GALNT13: variants seen among roughly 807,000 people sequenced by gnomAD.
GALNT13 encodes UDP-GalNAc:polypeptide N-acetylgalactosaminyltransferase 13.
GALNT13 carries 28 observed loss-of-function variants against 64.2 expected under a neutral mutation model. The ratio of observed to expected loss-of-function variants is 0.44; its 90% CI spans 0.32 to 0.60. GALNT13 has a LOEUF of 0.60. Among genes scored for constraint, GALNT13 ranks in the 20% least tolerant of loss-of-function variants. GALNT13 has a pLI of 0.05. For missense variants in GALNT13, 577 were observed against 669.8 expected (o/e 0.86, Z 1.53); for synonymous variants, 214 against 224.6 (o/e 0.95, Z 0.42).
At chr2:153,250,136 C>A in the GALNT13 span, among the ~76,000 whole-genome samples, 1 of 152,134 alleles carries the variant, frequency 6.6e-6, no homozygotes, top group Non-Finnish European at 1.5e-5. Context: ...GCAATCCATC[C>A]ATCTGACAAA....
chr2:154,177,759 A>G (rs1436037831), intron 4 of GALNT13, among the ~76,000 whole-genome samples: 2 of 152,222 alleles, frequency 1.3e-5, no homozygotes, highest in African/African-American at 4.8e-5. Context: ...GTACATACAT[A>G]TATGTGTGTC....
At chr2:153,256,276 G>A in the GALNT13 span, among the ~76,000 whole-genome samples, 29 of 151,924 alleles carry the variant, frequency 1.9e-4, no homozygotes, top group African/African-American at 6.5e-4. Context: ...TGAGGCTTCT[G>A]CATTCTTCAC....
At chr2:154,165,617 A>C (rs1447994575) in intron 4 of GALNT13, among the ~76,000 whole-genome samples, 1 of 152,184 alleles carries the variant, frequency 6.6e-6, no homozygotes. Flanking sequence ...AATTCTTGCA[A>C]TTTAACTTAA....
At chr2:154,197,464 A>G (rs191980331) in intron 4 of GALNT13, among the ~76,000 whole-genome samples, 108 of 152,248 alleles carry the variant, frequency 7.1e-4, no homozygotes, top group African/African-American at 2.5e-3. Flanking sequence ...GACTTTCCCT[A>G]TTCCAAAAGA....
chr2:154,034,002 G>A (rs193082219), intron 3 of GALNT13, among the ~76,000 whole-genome samples: 28 of 152,146 alleles, frequency 1.8e-4, no homozygotes, highest in African/African-American at 6.5e-4. Flanking sequence ...TGGAGTGACT[G>A]GAGCCCTCAG....
chr2:154,343,685 G>T lies in GALNT13; in HGVS notation c.1156+42096G>T, dbSNP rs368122059. Among the ~76,000 whole-genome samples the T allele has an allele frequency of 7.9e-5, 12 of 152,098 alleles. No individual in the cohort carries two copies. In the South Asian group the frequency reaches 2.5e-3, roughly 32 times the overall value. ...AGATCCAAGATCTTCTTGAATATGT[G>T]ATCTCAAATCATGGCTGTAACATTG... On this transcript the variant is annotated intron_variant, in intron 9 of 12. Transcript: ENST00000392825.
At chr2:153,435,965 T>C in the GALNT13 span, among the ~76,000 whole-genome samples, 1 of 152,334 alleles carries the variant, frequency 6.6e-6, no homozygotes, top group South Asian at 2.1e-4. Context: ...GCTGTGGGTT[T>C]GTCATTGATA....
the GALNT13 span, among the ~76,000 whole-genome samples, chr2:153,536,131 C>T: frequency 6.6e-6 from 1 of 152,292 alleles, no homozygotes; most frequent in Non-Finnish European, 1.5e-5. Flanking sequence ...TCCTTTTCTC[C>T]TCCTCCTGCT....
At chr2:153,981,354 T>C (rs1360333460) in intron 3 of GALNT13, among the ~76,000 whole-genome samples, 1 of 152,154 alleles carries the variant, frequency 6.6e-6, no homozygotes, top group Non-Finnish European at 1.5e-5. Flanking sequence ...CTCCTGATGC[T>C]ATCCCTCCCC....
intron 12 of GALNT13, among the ~76,000 whole-genome samples, chr2:154,450,055 A>T (rs1240288953): frequency 6.6e-6 from 1 of 152,058 alleles, no homozygotes; most frequent in African/African-American, 2.4e-5. Flanking sequence ...ACACATGCCT[A>T]AGAAAACTAA....
At chr2:153,502,894 TTGTCTATTCA>T in the GALNT13 span, among the ~76,000 whole-genome samples, 3,762 of 152,294 alleles carry the variant, frequency 0.025, 76 homozygotes, top group Middle Eastern at 0.061. Flanking sequence ...CTTTTGAGAA[TTGTCTATTCA>T]TGTCCTTAGC....
intron 3 of GALNT13, among the ~76,000 whole-genome samples, chr2:154,118,139 A>T (rs549239545): frequency 6.6e-6 from 1 of 152,160 alleles, no homozygotes; most frequent in Non-Finnish European, 1.5e-5. Flanking sequence ...TTTAATTGTG[A>T]TCTATCTCTC....
chr2:153,206,738 T>C, the GALNT13 span, among the ~76,000 whole-genome samples: 1 of 152,202 alleles, frequency 6.6e-6, no homozygotes, highest in South Asian at 2.1e-4. Context: ...AAGTTTGAAA[T>C]GGTGATGTGA....
the GALNT13 span, among the ~76,000 whole-genome samples, chr2:153,798,685 C>A: frequency 1.3e-5 from 2 of 152,072 alleles, no homozygotes; most frequent in African/African-American, 2.4e-5. Flanking sequence ...AAAGCTCACT[C>A]TAGTGTTGTA....
intron 9 of GALNT13, among the ~76,000 whole-genome samples, chr2:154,374,657 C>T (rs1574188567): frequency 6.6e-6 from 1 of 152,268 alleles, no homozygotes; most frequent in South Asian, 2.1e-4. Flanking sequence ...TTAGTTATGA[C>T]TTGTAAACAC....
intron 1 of GALNT13, among the ~76,000 whole-genome samples, chr2:153,895,450 T>C (rs1455462303): frequency 6.6e-6 from 1 of 152,090 alleles, no homozygotes; most frequent in Non-Finnish European, 1.5e-5. Flanking sequence ...GTATAAACAA[T>C]TTTTCATTTC....
At position 154,145,102 on chromosome 2, in the gene GALNT13, A is replaced by ATCTATC. The variant is rs754588661; in HGVS notation, c.311+4598_311+4599insCTATCT. Reference sequence around the variant, plus strand: ...TATCTATCTATCTATCTATCTATCTATATATATATATATATATACACACAC... The same window carrying ATCTATC: ...TATCTATCTATCTATCTATCTATCTATCTATCTATATATATATATATATACACACAC... On this transcript the variant is annotated intron_variant, in intron 4 of 12. Coordinates refer to ENST00000392825, the MANE Select transcript of GALNT13 (RefSeq NM_052917.4). 2.6e-3 allele frequency among the ~76,000 whole-genome samples: 318 copies of ATCTATC among 124,356 alleles called. 2 individuals carry two copies. The highest frequency in any genetic ancestry group is 4.4e-3 in the East Asian group (14 of 3,152). The allele number at this position is 124,356 out of a possible 152,430, so 81.6% of individuals were successfully genotyped here. A position where few individuals can be genotyped will look rare whatever the true frequency, so the allele number is the denominator to read the frequency against.
the GALNT13 span, among the ~76,000 whole-genome samples, chr2:153,451,152 AAAT>A: frequency 6.6e-6 from 1 of 152,168 alleles, no homozygotes; most frequent in Non-Finnish European, 1.5e-5. Flanking sequence ...GAAACTATAA[AAAT>A]AATCTAATTT....
chr2:153,452,034 C>T, the GALNT13 span, among the ~76,000 whole-genome samples: 1 of 152,204 alleles, frequency 6.6e-6, no homozygotes, highest in African/African-American at 2.4e-5. Flanking sequence ...CCTAAACAGC[C>T]AGCATCGCTT....
Sources: allele counts gnomAD v4.1 joint callset (sites outside exome capture counted in the v4.1 genomes callset), GRCh38; gene constraint gnomAD v4.1.1; transcripts MANE v1.5; gene names NCBI Gene and HGNC (gene_info 2026-07-23, HGNC 2026-07-21).